The following MLF2 variants were observed in gnomAD, a reference collection of about 807,000 sequenced individuals.
The protein encoded by MLF2 is myelodysplasia-myeloid leukemia factor 2.
A neutral mutation model predicts 31.4 loss-of-function variants in MLF2; 12 were observed. That is an observed-to-expected ratio of 0.38 (90% CI 0.24 to 0.62). The LOEUF (loss-of-function observed/expected upper bound fraction) is 0.62. MLF2 is among the 20% of genes least tolerant of loss of function. The pLI is 0.58. For synonymous variants in MLF2, 109 were observed against 118.8 expected (o/e 0.92, Z 0.54); for missense variants, 272 against 359.7 (o/e 0.76, Z 1.97).
chr12:6,751,952 G>A lies in MLF2; in HGVS notation c.153C>T (p.Thr51=). ...LSITDGNMPG[T]RPASRRMQQA... is the part of the protein sequence containing the mutation. ...GCTGCATCCGGCGGCTGGCAGGCCT[G>A]GTCCCTGGCATGTTGCCATCTGTGA... Residue 51 remains threonine, a synonymous_variant, in exon 3 of 9, where the codon ACC becomes ACT. Transcript: ENST00000203630. The A allele has an allele frequency of 6.2e-7, 1 of 1,614,212 alleles. No individual in the cohort carries two copies. Among genetic ancestry groups the A allele is most frequent in the Non-Finnish European group, 8.5e-7 (1 of 1,180,038 alleles).
Position 6,750,898 on chromosome 12 carries a change from T to G in MLF2, c.217-132A>C. ...CTTCCTTCACATCTAGCAAGTTCTC[T>G]TTCTCATTCTGTTAAAATAACCAGA... On this transcript the variant is annotated intron_variant, in intron 4 of 8. Transcript: ENST00000203630. The surrounding 1 kb of genome is among the most constrained non-coding windows in gnomAD (Gnocchi z 5.3). The G allele has an allele frequency of 2.2e-5, 17 of 761,520 alleles. No homozygotes were observed. Among genetic ancestry groups the G allele is most frequent in the Non-Finnish European group, 2.7e-5 (12 of 439,280 alleles). 47.2% of individuals were successfully genotyped at this position (761,520 alleles called of 1,614,324 possible).
chr12:6,751,114 G>T, intron 4 of MLF2: 1 of 309,314 alleles, frequency 3.2e-6, no homozygotes, highest in Non-Finnish European at 6.1e-6. Flanking sequence ...ATCTCTAGTT[G>T]GCCCTTTAAC....
chr12:6,749,657 G>C lies in MLF2; in HGVS notation c.559+191C>G, dbSNP rs1177510977. 3 of 698,782 alleles carry C rather than the reference G, an allele frequency of 4.3e-6. No individual in the cohort carries two copies. In the East Asian group the frequency reaches 8.5e-5, roughly 20 times the overall value. The allele number at this position is 698,782 out of a possible 1,614,324, so 43.3% of individuals were successfully genotyped here. ...TTAAACCCGGGAGGCGGAGGTTGCAGTGAGCTGAGATCGCGCCACTGCACT... is the reference window on the plus strand; with the variant it reads ...TTAAACCCGGGAGGCGGAGGTTGCACTGAGCTGAGATCGCGCCACTGCACT... On this transcript the variant is annotated intron_variant, in intron 7 of 8. Coordinates refer to ENST00000203630, the MANE Select transcript of MLF2 (RefSeq NM_001382226.1). The surrounding 1 kb of genome is among the most constrained non-coding windows in gnomAD (Gnocchi z 5.3).
Position 6,748,827 on chromosome 12 carries a change from G to C in MLF2, c.715C>G (p.Pro239Ala). The C allele has an allele frequency of 6.4e-7, 1 of 1,553,552 alleles. No homozygotes were observed. Among genetic ancestry groups the C allele is most frequent in the Non-Finnish European group, 8.6e-7 (1 of 1,158,068 alleles). Residue 239 changes from proline (P) to alanine (A), a missense_variant, in exon 8 of 9, where the codon CCT (proline) becomes GCT (alanine). By Grantham distance (27) the Pro-to-Ala change is conservative. Transcript: ENST00000203630. This position sits in a 1 kb window ranked among gnomAD's most constrained non-coding sequence, Gnocchi z 4.6. ...TCATAGCGGCGGGACTGTCGGGAAGGGGAGTCCTCAGGTCCCTGGATGGCC... is the reference window on the plus strand; with the variant it reads ...TCATAGCGGCGGGACTGTCGGGAAGCGGAGTCCTCAGGTCCCTGGATGGCC... ...RLAIQGPEDS[P>A]SRQSRRYDW
chr12:6,750,562 G>A lies in MLF2; in HGVS notation c.270+151C>T. ...GCTGCTTCAGGCAGGCATGACAGCA[G>A]GTACAGGGTCCCAAGGCTCTCTGGT... On this transcript the variant is annotated intron_variant, in intron 5 of 8. Coordinates refer to ENST00000203630, the MANE Select transcript of MLF2 (RefSeq NM_001382226.1). This position sits in a 1 kb window ranked among gnomAD's most constrained non-coding sequence, Gnocchi z 5.3. 1 of 999,238 alleles carries A rather than the reference G, an allele frequency of 1.0e-6. No homozygotes were observed. The highest frequency in any genetic ancestry group is 1.6e-5 in the African/African-American group (1 of 62,124). 61.9% of individuals were successfully genotyped at this position (999,238 alleles called of 1,614,324 possible). A position where few individuals can be genotyped will look rare whatever the true frequency, so the allele number is the denominator to read the frequency against.
rs138527820 is a variant in MLF2 at position 6,750,748 on chromosome 12, T to C, written c.235A>G (p.Met79Val). ...ATCATGTCATTCATCATCCCAAACATGTCCATGAAACCACCCGACTGGAGG... is the reference window on the plus strand; with the variant it reads ...ATCATGTCATTCATCATCCCAAACACGTCCATGAAACCACCCGACTGGAGG... ...MLGMSGGFMD[M>V]FGMMNDMIGN... The change falls in exon 5 of 9, where the codon ATG becomes GTG. Residue 79 changes from methionine to valine, a missense_variant. Transcript: ENST00000203630. The surrounding 1 kb of genome is among the most constrained non-coding windows in gnomAD (Gnocchi z 5.3). 64 of 1,613,922 alleles carry C rather than the reference T, an allele frequency of 4.0e-5. No homozygotes were observed. The highest frequency in any genetic ancestry group is 5.0e-5 in the Non-Finnish European group (59 of 1,179,992).
At position 6,749,292 on chromosome 12, in the gene MLF2, C is replaced by T. The variant is rs141684402; in HGVS notation, c.560-310G>A. Among the ~76,000 whole-genome samples, 68 of 149,626 alleles carry T rather than the reference C, an allele frequency of 4.5e-4. No homozygotes were observed. Among genetic ancestry groups the T allele is most frequent in the African/African-American group, 1.5e-3 (60 of 40,662 alleles). ...AAAAGATAAAGAGGGGAGAAAGAAACGGATCAAGGTGGAGAAGGGTGTAAC... is the reference window on the plus strand; with the variant it reads ...AAAAGATAAAGAGGGGAGAAAGAAATGGATCAAGGTGGAGAAGGGTGTAAC... On this transcript the variant is annotated intron_variant, in intron 7 of 8. Transcript: ENST00000203630. The surrounding 1 kb of genome is among the most constrained non-coding windows in gnomAD (Gnocchi z 5.3).
Position 6,750,241 on chromosome 12 carries a change from T to A in MLF2, c.335A>T (p.Asn112Ile). The A allele has an allele frequency of 6.2e-7, 1 of 1,614,152 alleles. No individual in the cohort carries two copies. The highest frequency in any genetic ancestry group is 1.1e-5 in the South Asian group (1 of 91,082). Reference protein sequence around the residue: ...FSSSTVISYSNTGDGAPKVYQ... With the variant: ...FSSSTVISYSITGDGAPKVYQ... Reference sequence around the variant, plus strand: ...GACCTTGGGGGCACCATCACCCGTATTGGAGTAGGAGATGACAGTGGAAGA... The same window carrying A: ...GACCTTGGGGGCACCATCACCCGTAATGGAGTAGGAGATGACAGTGGAAGA... The change falls in exon 6 of 9, where the codon AAT (asparagine) becomes ATT (isoleucine). Residue 112 changes from asparagine (N) to isoleucine (I), a missense_variant. Asn to Ile is a moderately radical substitution (Grantham distance 149, BLOSUM62 -3). Transcript: ENST00000203630. The surrounding 1 kb of genome is among the most constrained non-coding windows in gnomAD (Gnocchi z 5.3).
Position 6,748,748 on chromosome 12 carries a change from C to T in MLF2, c.*25+22G>A. 6.8e-7 allele frequency: 1 copy of T among 1,465,380 alleles called. No homozygotes were observed. Among genetic ancestry groups the T allele is most frequent in the Non-Finnish European group, 9.0e-7 (1 of 1,111,310 alleles). The allele number at this position is 1,465,380 out of a possible 1,614,324, so 90.8% of individuals were successfully genotyped here. Reference sequence around the variant, plus strand: ...AGGACCGTCCGCAGGTGCACCCCACCCTCCTTACTCCTGATACTTACAAGA... The same window carrying T: ...AGGACCGTCCGCAGGTGCACCCCACTCTCCTTACTCCTGATACTTACAAGA... On this transcript the variant is annotated intron_variant, in intron 8 of 8. Transcript: ENST00000203630. This position sits in a 1 kb window ranked among gnomAD's most constrained non-coding sequence, Gnocchi z 4.6.
Position 6,750,475 on chromosome 12 carries a change from G to T in MLF2, c.271-170C>A, listed in dbSNP as rs1026756346. ...CCCAAATTCCTCTGAGTCCAACCACGAGCAAGAAGGACCTGAAGAGACAGG... is the reference window on the plus strand; with the variant it reads ...CCCAAATTCCTCTGAGTCCAACCACTAGCAAGAAGGACCTGAAGAGACAGG... On this transcript the variant is annotated intron_variant, in intron 5 of 8. Transcript: ENST00000203630. The surrounding 1 kb of genome is among the most constrained non-coding windows in gnomAD (Gnocchi z 5.3). 2.1e-6 allele frequency: 2 copies of T among 966,208 alleles called. No individual in the cohort carries two copies. Among genetic ancestry groups the T allele is most frequent in the Non-Finnish European group, 3.0e-6 (2 of 660,404 alleles). The allele number at this position is 966,208 out of a possible 1,614,324, so 59.9% of individuals were successfully genotyped here.
At position 6,749,892 on chromosome 12, in the gene MLF2, G is replaced by A. The variant is rs1380068079; in HGVS notation, c.515C>T (p.Thr172Met). The part of the protein sequence containing the change: ...HILQRSRNHR[T>M]GDQEERQDYI... ...GTCCTGCCGCTCCTCCTGGTCCCCCGTGCGATGGTTTCGGGAGCGCTGGAG... is the reference window on the plus strand; with the variant it reads ...GTCCTGCCGCTCCTCCTGGTCCCCCATGCGATGGTTTCGGGAGCGCTGGAG... Residue 172 changes from threonine to methionine, a missense_variant, in exon 7 of 9, where the codon ACG (threonine) becomes ATG (methionine). Physicochemically the swap from Thr to Met is moderately conservative, Grantham distance 81. Transcript: ENST00000203630. The surrounding 1 kb of genome is among the most constrained non-coding windows in gnomAD (Gnocchi z 5.3). The A allele has an allele frequency of 1.9e-6, 3 of 1,614,186 alleles. No homozygotes were observed. The highest frequency in any genetic ancestry group is 1.1e-5 in the South Asian group (1 of 91,086).
Position 6,752,069 on chromosome 12 carries a change from C to T in MLF2, c.51-15G>A. 6.2e-7 allele frequency: 1 copy of T among 1,614,048 alleles called. No homozygotes were observed. Among genetic ancestry groups the T allele is most frequent in the Non-Finnish European group, 8.5e-7 (1 of 1,179,952 alleles). ...CAAAGGGATCCCTGTGGAGTGAGCA[C>T]ATAGTATGGATGGCAGAAGCGCCAA... On this transcript the variant is annotated splice_polypyrimidine_tract_variant and intron_variant, in intron 2 of 8. Coordinates refer to ENST00000203630, the MANE Select transcript of MLF2 (RefSeq NM_001382226.1). This position sits in a 1 kb window ranked among gnomAD's most constrained non-coding sequence, Gnocchi z 4.6.
Position 6,750,778 on chromosome 12 carries a change from A to T in MLF2, c.217-12T>A. On this transcript the variant is annotated splice_polypyrimidine_tract_variant and intron_variant, in intron 4 of 8. Transcript: ENST00000203630. This position sits in a 1 kb window ranked among gnomAD's most constrained non-coding sequence, Gnocchi z 5.3. ...ATGAAACCACCCGACTGGAGGAAAG[A>T]GATGGAAAACAGAGTCAGGAAAGCA... 1 of 1,613,740 alleles carries T rather than the reference A, an allele frequency of 6.2e-7. No homozygotes were observed. Among genetic ancestry groups the T allele is most frequent in the South Asian group, 1.1e-5 (1 of 91,028 alleles).
Position 6,752,531 on chromosome 12 carries a change from C to T in MLF2, c.-28-169G>A. On this transcript the variant is annotated intron_variant, in intron 1 of 8. Transcript: ENST00000203630. This position sits in a 1 kb window ranked among gnomAD's most constrained non-coding sequence, Gnocchi z 4.6. ...ACACAACCCTCTAGGGAGGGAAGGG[C>T]TCTTCAAACCTCTTTCTCAATTAGG... 1.8e-6 allele frequency: 1 copy of T among 565,142 alleles called. No individual in the cohort carries two copies. Among genetic ancestry groups the T allele is most frequent in the South Asian group, 2.5e-5 (1 of 40,400 alleles). The allele number at this position is 565,142 out of a possible 1,614,324, so 35.0% of individuals were successfully genotyped here.
chr12:6,750,426 A>G lies in MLF2; in HGVS notation c.271-121T>C. ...TCTCACAAAATGCAAGAACTGAAAA[A>G]ACATCAGGCCTCATCATTACCCTCC... On this transcript the variant is annotated intron_variant, in intron 5 of 8. Coordinates refer to ENST00000203630, the MANE Select transcript of MLF2 (RefSeq NM_001382226.1). This position sits in a 1 kb window ranked among gnomAD's most constrained non-coding sequence, Gnocchi z 5.3. The G allele has an allele frequency of 7.4e-7, 1 of 1,352,674 alleles. No individual in the cohort carries two copies. The highest frequency in any genetic ancestry group is 1.0e-6 in the Non-Finnish European group (1 of 993,002). 83.8% of individuals were successfully genotyped at this position (1,352,674 alleles called of 1,614,324 possible).
rs781717836 is a variant in MLF2, at chr12:6,751,602, G to C, written c.216+39C>G. On this transcript the variant is annotated intron_variant, in intron 4 of 8. Transcript: ENST00000203630. ...GGAATAATATCTAAGGGTAGAGAGT[G>C]TGTCTGAGATGGAAGGACACAGGGA... 7 of 1,598,330 alleles carry C rather than the reference G, an allele frequency of 4.4e-6. No individual in the cohort carries two copies. In the African/African-American group the frequency reaches 9.4e-5, roughly 21 times the overall value.
rs1426668679 is a variant in MLF2 at position 6,748,982 on chromosome 12, C to T, written c.560G>A (p.Ser187Asn). ...ERQDYINLDE[S>N]EAAAFDDEWR... ...CTCGTCATCAAACGCTGCGGCCTCA[C>T]CTGGAAAGGACAGAGCGGACATGAG... The change falls in exon 8 of 9, where the codon AGT becomes AAT. Residue 187 changes from serine (S) to asparagine (N), a missense_variant and splice_region_variant. Transcript: ENST00000203630. This position sits in a 1 kb window ranked among gnomAD's most constrained non-coding sequence, Gnocchi z 4.6. The T allele has an allele frequency of 6.3e-7, 1 of 1,592,112 alleles. No individual in the cohort carries two copies. The highest frequency in any genetic ancestry group is 8.5e-7 in the Non-Finnish European group (1 of 1,170,820).
Position 6,751,989 on chromosome 12 carries a change from G to C in MLF2, c.116C>G (p.Pro39Arg). 1 of 1,614,168 alleles carries C rather than the reference G, an allele frequency of 6.2e-7. No homozygotes were observed. The highest frequency in any genetic ancestry group is 2.2e-5 in the East Asian group (1 of 44,886). Residue 39 changes from proline to arginine, a missense_variant, in exon 3 of 9, where the codon CCC becomes CGC. Coordinates refer to ENST00000203630, the MANE Select transcript of MLF2 (RefSeq NM_001382226.1). ...GTTGCCATCTGTGATGCTGAGGAAG[G>C]GGCTATATCCAAAGCCACCTGACAA... ...RMLSGGFGYS[P>R]FLSITDGNMP...
chr12:6,750,034 T>G lies in MLF2; in HGVS notation c.400-27A>C. On this transcript the variant is annotated intron_variant, in intron 6 of 8. Transcript: ENST00000203630. The surrounding 1 kb of genome is among the most constrained non-coding windows in gnomAD (Gnocchi z 5.3). ...TGGGATGAGGCAGAACGTGGCACAC[T>G]CAGCCGCCCCTTCCAAAGCCCTGCC... The G allele has an allele frequency of 6.2e-7, 1 of 1,613,418 alleles. No homozygotes were observed. Among genetic ancestry groups the G allele is most frequent in the South Asian group, 1.1e-5 (1 of 91,074 alleles).
Sources: gnomAD v4.1 joint callset for allele counts (sites outside exome capture counted in the v4.1 genomes callset) on GRCh38, gnomAD v4.1.1 for gene constraint, Gnocchi (gnomAD v3.1) non-coding constraint, MANE v1.5 for transcripts, NCBI Gene and HGNC (gene_info 2026-07-23, HGNC 2026-07-21) for gene names.